Variants in HSP90B1 observed in about 807,000 individuals in gnomAD.
The protein encoded by HSP90B1 is endoplasmin.
In HSP90B1, 27 loss-of-function variants were observed where a neutral mutation model predicts 100.4. The ratio of observed to expected loss-of-function variants is 0.27; its 90% CI spans 0.20 to 0.37. The LOEUF is 0.37. Among genes scored for constraint, HSP90B1 ranks in the 10% least tolerant of loss-of-function variants. The pLI is 1.00. For missense variants in HSP90B1, 678 were observed against 960.5 expected, an observed-to-expected ratio of 0.71 and a Z score of 3.89; for synonymous variants, 304 against 330.8, an observed-to-expected ratio of 0.92 and a Z score of 0.88.
Position 103,939,509 on chromosome 12 carries a change from G to T in HSP90B1, c.976G>T (p.Val326Phe). 6.8e-7 allele frequency: 1 copy of T among 1,474,026 alleles called. No homozygotes were observed. Among genetic ancestry groups the T allele is most frequent in the Non-Finnish European group, 9.2e-7 (1 of 1,081,384 alleles). 91.3% of individuals were successfully genotyped at this position (1,474,026 alleles called of 1,614,324 possible). The change falls in exon 8 of 18, where the codon GTT (valine) becomes TTT (phenylalanine). Residue 326 changes from valine (V) to phenylalanine (F), a missense_variant and splice_region_variant. Around this residue, in one of 8 missense-constraint regions of HSP90B1, gnomAD observed 238 missense variants for 346.7 expected, o/e 0.69. Coordinates refer to ENST00000299767, the MANE Select transcript of HSP90B1 (RefSeq NM_003299.3). ...TAATCAAATACTATAATAACTTCAGGTTGAAAAAACTGTCTGGGACTGGGA... is the reference window on the plus strand; with the variant it reads ...TAATCAAATACTATAATAACTTCAGTTTGAAAAAACTGTCTGGGACTGGGA... ...EEEKKPKTKK[V>F]EKTVWDWELM...
At position 103,946,655 on chromosome 12, in the gene HSP90B1, C is replaced by T. The variant is rs577690613; in HGVS notation, c.2065C>T (p.Pro689Ser). ...TCAGAAGAAAACATTTGAAATTAAT[C>T]CCAGACACCCGCTGATCAGAGACAT... ...ASQKKTFEIN[P>S]RHPLIRDMLR... Residue 689 changes from proline (P) to serine (S), a missense_variant, in exon 15 of 18, where the codon CCC becomes TCC. Pro to Ser is a moderately conservative substitution (Grantham distance 74). This residue lies in a region of HSP90B1 where 64 missense variants were observed against 66.4 expected (regional missense o/e 0.96). Coordinates refer to ENST00000299767, the MANE Select transcript of HSP90B1 (RefSeq NM_003299.3). 1.2e-6 allele frequency: 2 copies of T among 1,613,898 alleles called. No individual in the cohort carries two copies. Among genetic ancestry groups the T allele is most frequent in the African/African-American group, 1.3e-5 (1 of 75,034 alleles).
intron 12 of HSP90B1, 58 bp downstream of exon 12, chr12:103,942,854 C>A: frequency 6.3e-7 from 1 of 1,586,130 alleles, no homozygotes. Flanking sequence ...GGATTTATAG[C>A]CAACTCTTGA....
Position 103,932,266 on chromosome 12 carries a change from G to T in HSP90B1, c.153-11G>T. On this transcript the variant is annotated splice_polypyrimidine_tract_variant and intron_variant, in intron 2 of 17. Coordinates refer to ENST00000299767, the MANE Select transcript of HSP90B1 (RefSeq NM_003299.3). ...CCATGCAATATTTGCTTACCTAACT[G>T]ATTTCCTTAGAGAGGAAGAAGCTAT... 2 of 1,598,796 alleles carry T rather than the reference G, an allele frequency of 1.3e-6. No individual in the cohort carries two copies. Among genetic ancestry groups the T allele is most frequent in the South Asian group, 2.3e-5 (2 of 88,294 alleles).
At chr12:103,947,120 A>G (rs954789619) in intron 16 of HSP90B1, among the ~76,000 whole-genome samples, 179 bp downstream of exon 16, 1 of 152,214 alleles carries the variant, frequency 6.6e-6, no homozygotes, top group African/African-American at 2.4e-5. Context: ...CTAGAAACTA[A>G]GTCCTCCTTT....
rs1870250143 is a variant in HSP90B1, at chr12:103,946,822, G to T, written c.2143G>T (p.Val715Leu). The change falls in exon 16 of 18, where the codon GTG (valine) becomes TTG (leucine). Residue 715 changes from valine to leucine, a missense_variant. Physicochemically the swap from Val to Leu is conservative, Grantham distance 32. Around this residue, in one of 8 missense-constraint regions of HSP90B1, gnomAD observed 64 missense variants for 66.4 expected, o/e 0.96. Transcript: ENST00000299767. Reference sequence around the variant, plus strand: ...TGATAAAACAGTTTTGGATCTTGCTGTGGTTTTGTTTGAAACAGCAACGCT... The same window carrying T: ...TGATAAAACAGTTTTGGATCTTGCTTTGGTTTTGTTTGAAACAGCAACGCT... ...EDDKTVLDLA[V>L]VLFETATLRS... is the part of the protein sequence containing the mutation. 6.2e-7 allele frequency: 1 copy of T among 1,614,026 alleles called. No individual in the cohort carries two copies. Among genetic ancestry groups the T allele is most frequent in the Non-Finnish European group, 8.5e-7 (1 of 1,180,034 alleles).
chr12:103,938,108 T>C, intron 6 of HSP90B1: 1 of 415,342 alleles, frequency 2.4e-6, no homozygotes, highest in East Asian at 4.9e-5. Flanking sequence ...GAGACGGAGG[T>C]TGCAGTGAGC....
Position 103,938,301 on chromosome 12 carries a change from A to G in HSP90B1, c.856-39A>G, listed in dbSNP as rs1354238614. On this transcript the variant is annotated intron_variant, in intron 6 of 17. Coordinates refer to ENST00000299767, the MANE Select transcript of HSP90B1 (RefSeq NM_003299.3). ...TTCTGTAGACAAAATCAGAATTGTT[A>G]AACAAATGAGTTTAACCATAATTCT... is the stretch of plus-strand genomic sequence containing the variant. The G allele has an allele frequency of 4.0e-6, 6 of 1,505,206 alleles. No individual in the cohort carries two copies. The African/African-American group carries it at 8.5e-5, about 21-fold the overall frequency. 93.2% of individuals were successfully genotyped at this position (1,505,206 alleles called of 1,614,324 possible). A position where few individuals can be genotyped will look rare whatever the true frequency, so the allele number is the denominator to read the frequency against.
In HSP90B1 at chr12:103,930,536, G is replaced by A; in HGVS notation, c.21G>A (p.Leu7=). The A allele has an allele frequency of 6.2e-7, 1 of 1,611,278 alleles. No homozygotes were observed. Among genetic ancestry groups the A allele is most frequent in the Non-Finnish European group, 8.5e-7 (1 of 1,178,942 alleles). Residue 7 remains leucine, a synonymous_variant, in exon 1 of 18, where the codon CTG becomes CTA. Transcript: ENST00000299767. This position sits in a 1 kb window ranked among gnomAD's most constrained non-coding sequence, Gnocchi z 4.4. MRALWV[L]GLCCVLLTFG... is the part of the protein sequence containing the mutation. ...ACGCCATGAGGGCCCTGTGGGTGCT[G>A]GGCCTCTGCTGCGTCCTGCTGACCT...
In HSP90B1 at chr12:103,930,971, C is replaced by G. The variant is rs577060776; in HGVS notation, c.49+407C>G. 1.2e-4 allele frequency among the ~76,000 whole-genome samples: 19 copies of G among 152,226 alleles called. No individual in the cohort carries two copies. Among genetic ancestry groups the G allele is most frequent in the African/African-American group, 4.3e-4 (18 of 41,532 alleles). ...ACTCCGACTCCTCGCAAGCCCGTGT[C>G]CCTTCTTAGATGCTGGCCTCGGGAG... On this transcript the variant is annotated intron_variant, in intron 1 of 17. Coordinates refer to ENST00000299767, the MANE Select transcript of HSP90B1 (RefSeq NM_003299.3). The surrounding 1 kb of genome is among the most constrained non-coding windows in gnomAD (Gnocchi z 4.4).
intron 4 of HSP90B1, 141 bp from the exon 5 acceptor site, chr12:103,933,815 A>G: frequency 1.5e-6 from 1 of 654,920 alleles, no homozygotes; most frequent in Non-Finnish European, 2.6e-6. Flanking sequence ...AAAAGGCCAT[A>G]AAAAACTATG....
Position 103,943,689 on chromosome 12 carries a change from G to A in HSP90B1, c.1891-49G>A. ...GACAGTTGAAAGACAATTGCTCAATGACCTTACCTGTTGATATTAATTTAT... is the reference window on the plus strand; with the variant it reads ...GACAGTTGAAAGACAATTGCTCAATAACCTTACCTGTTGATATTAATTTAT... On this transcript the variant is annotated intron_variant, in intron 13 of 17. Transcript: ENST00000299767. The surrounding 1 kb of genome is among the most constrained non-coding windows in gnomAD (Gnocchi z 5.3). The A allele has an allele frequency of 1.9e-6, 3 of 1,565,092 alleles. No individual in the cohort carries two copies. The highest frequency in any genetic ancestry group is 2.6e-6 in the Non-Finnish European group (3 of 1,148,156).
intron 8 of HSP90B1, among the ~76,000 whole-genome samples, chr12:103,941,129 A>G: frequency 6.6e-6 from 1 of 152,238 alleles, no homozygotes; most frequent in Non-Finnish European, 1.5e-5. Context: ...GTATAAACTC[A>G]TCCTTCCTTC....
At position 103,940,808 on chromosome 12, in the gene HSP90B1, T is replaced by C. The variant is rs145779668; in HGVS notation, c.1093-602T>C. Among the ~76,000 whole-genome samples the C allele has an allele frequency of 5.8e-3, 889 of 152,330 alleles. 6 individuals are homozygous for C. The highest frequency in any genetic ancestry group is 0.02 in the African/African-American group (836 of 41,574). On this transcript the variant is annotated intron_variant, in intron 8 of 17. Coordinates refer to ENST00000299767, the MANE Select transcript of HSP90B1 (RefSeq NM_003299.3). The stretch of plus-strand genomic sequence containing the variant: ...AAAACTAATAATGAGACATTTTATA[T>C]CCTTTTTAAAATTTGTACTGTGCCT...
In HSP90B1 at chr12:103,930,869, C is replaced by T. The variant is rs1284804822; in HGVS notation, c.49+305C>T. ...CCCCGGGAGCTGTGCGAGTCCCTCC[C>T]CCCTCCCCGCCCGGAGGACTTTTTC... is the stretch of plus-strand genomic sequence containing the variant. On this transcript the variant is annotated intron_variant, in intron 1 of 17. Coordinates refer to ENST00000299767, the MANE Select transcript of HSP90B1 (RefSeq NM_003299.3). The surrounding 1 kb of genome is among the most constrained non-coding windows in gnomAD (Gnocchi z 4.4). Among the ~76,000 whole-genome samples the T allele has an allele frequency of 6.7e-6, 1 of 149,944 alleles. No individual in the cohort carries two copies. Among genetic ancestry groups the T allele is most frequent in the Non-Finnish European group, 1.5e-5 (1 of 67,316 alleles).
intron 5 of HSP90B1, 70 bp downstream of exon 5, chr12:103,934,357 C>A: frequency 8.2e-7 from 1 of 1,217,168 alleles, no homozygotes; most frequent in Non-Finnish European, 1.2e-6. Flanking sequence ...GTTCTATTCT[C>A]TGAGCAAATG....
chr12:103,940,298 G>A (rs150052684), intron 8 of HSP90B1, among the ~76,000 whole-genome samples: 13 of 151,182 alleles, frequency 8.6e-5, no homozygotes, highest in Non-Finnish European at 1.3e-4. Flanking sequence ...GAGATCCTAT[G>A]CCTGGGAATA....
In HSP90B1 at chr12:103,942,665, C is replaced by T. The variant is rs1020103855; in HGVS notation, c.1513C>T (p.Arg505Cys). 3.7e-6 allele frequency: 6 copies of T among 1,613,968 alleles called. No individual in the cohort carries two copies. The highest frequency in any genetic ancestry group is 1.1e-5 in the South Asian group (1 of 91,070). ...GVIEDHSNRT[R>C]LAKLLRFQSS... ...GATTGAAGACCACTCGAATCGAACA[C>T]GTCTTGCTAAACTTCTTAGGTTCCA... Residue 505 changes from arginine to cysteine, a missense_variant, in exon 12 of 18, where the codon CGT (arginine) becomes TGT (cysteine). Arg to Cys is a radical substitution (Grantham distance 180). Transcript: ENST00000299767.
Position 103,943,383 on chromosome 12 carries a change from G to T in HSP90B1, c.1890+64G>T. On this transcript the variant is annotated intron_variant, in intron 13 of 17. Transcript: ENST00000299767. The surrounding 1 kb of genome is among the most constrained non-coding windows in gnomAD (Gnocchi z 5.3). ...AGCATTTAAGAGAAAGTTATTTTGT[G>T]AACAAATTAAGCTGCAGCTGGTTAC... 6.7e-7 allele frequency: 1 copy of T among 1,490,676 alleles called. No individual in the cohort carries two copies. Among genetic ancestry groups the T allele is most frequent in the South Asian group, 1.2e-5 (1 of 85,010 alleles). 92.3% of individuals were successfully genotyped at this position (1,490,676 alleles called of 1,614,324 possible).
Position 103,937,493 on chromosome 12 carries a change from G to C in HSP90B1, c.744-202G>C, listed in dbSNP as rs569336726. Among the ~76,000 whole-genome samples the C allele has an allele frequency of 3.9e-5, 6 of 152,350 alleles. No individual in the cohort carries two copies. In the East Asian group the frequency reaches 1.2e-3, roughly 29 times the overall value. Reference sequence around the variant, plus strand: ...AAGGTTATTCTCCACTTGAGGTAATGTAGAGGAGATTCTTCTCTTTACTGT... The same window carrying C: ...AAGGTTATTCTCCACTTGAGGTAATCTAGAGGAGATTCTTCTCTTTACTGT... On this transcript the variant is annotated intron_variant, in intron 5 of 17. Transcript: ENST00000299767.
Sources: gnomAD v4.1 joint callset for allele counts (sites outside exome capture counted in the v4.1 genomes callset) on GRCh38, gnomAD v4.1.1 for gene constraint, gnomAD v4.1.1 regional missense constraint, Gnocchi (gnomAD v3.1) non-coding constraint, MANE v1.5 for transcripts, NCBI Gene and HGNC (gene_info 2026-07-23, HGNC 2026-07-21) for gene names.